GYS2: variants seen among roughly 807,000 people sequenced by gnomAD.
GYS2 encodes glycogen synthase 2.
Under a neutral mutation model 85.6 loss-of-function variants are expected in GYS2, and 80 were observed. The observed-to-expected ratio is 0.93, with a 90% CI of 0.78 to 1.13. The LOEUF is 1.13. GYS2 is among the 50% of genes most tolerant of loss of function. The pLI is 0.00. For synonymous variants in GYS2, 328 were observed against 300.7 expected (o/e 1.09, Z -0.94); for missense variants, 881 against 854.9 (o/e 1.03, Z -0.38).
rs56317413 is a variant in GYS2, at chr12:21,583,718, G to A, written c.122-3195C>T. On this transcript the variant is annotated intron_variant, in intron 1 of 15. Transcript: ENST00000261195. ...CCTGTTACTGGGCTTTGGTGGAAAC[G>A]AAATATTTGACTATGAGTCATCAAG... is the stretch of plus-strand genomic sequence containing the variant. 9.0e-3 allele frequency among the ~76,000 whole-genome samples: 1,365 copies of A among 152,282 alleles called. 26 individuals are homozygous for A. Among genetic ancestry groups the A allele is most frequent in the African/African-American group, 0.031 (1,284 of 41,556 alleles).
intron 2 of GYS2, 92 bp from the exon 3 acceptor site, chr12:21,576,149 T>C: frequency 1.0e-6 from 1 of 967,186 alleles, no homozygotes. Context: ...CTTTATGTAG[T>C]ACTCAATAGC....
intron 1 of GYS2, among the ~76,000 whole-genome samples, chr12:21,588,035 C>T (rs1234129500): frequency 1.3e-5 from 2 of 152,152 alleles, no homozygotes; most frequent in Non-Finnish European, 2.9e-5. Context: ...TGTGAGAATA[C>T]ACAAATAATC....
At chr12:21,590,158 C>A (rs1032629887) in intron 1 of GYS2, among the ~76,000 whole-genome samples, 1 of 152,122 alleles carries the variant, frequency 6.6e-6, no homozygotes, top group African/African-American at 2.4e-5. Flanking sequence ...AAGCAACACA[C>A]CCCGCACCCC....
chr12:21,593,975 T>C (rs950619942), intron 1 of GYS2, among the ~76,000 whole-genome samples: 1 of 151,994 alleles, frequency 6.6e-6, no homozygotes, highest in Admixed American at 6.6e-5. Flanking sequence ...ATGTGATACA[T>C]CACATCAACA....
intron 11 of GYS2, among the ~76,000 whole-genome samples, chr12:21,557,516 C>A (rs1591788285): frequency 1.3e-5 from 2 of 152,210 alleles, no homozygotes; most frequent in Admixed American, 6.5e-5. Context: ...TTAAGTTGAA[C>A]TTTATTAGAA....
intron 11 of GYS2, among the ~76,000 whole-genome samples, chr12:21,549,293 A>T (rs1230904365): frequency 5.3e-5 from 8 of 152,214 alleles, no homozygotes; most frequent in Non-Finnish European, 1.2e-4. Context: ...TCTGATATAA[A>T]AGTACTGGGA....
Position 21,596,102 on chromosome 12 carries a change from T to TA in GYS2, c.121+8369_121+8370insT, listed in dbSNP as rs1273264191. ...ACCAATAACAAGCAGTGAGATTTAATTGGTAATTAAAAAATTACCAACCAA... is the reference window on the plus strand; with the variant it reads ...ACCAATAACAAGCAGTGAGATTTAATATGGTAATTAAAAAATTACCAACCAA... On this transcript the variant is annotated intron_variant, in intron 1 of 15. Transcript: ENST00000261195. Among the ~76,000 whole-genome samples the TA allele has an allele frequency of 2.6e-5, 4 of 152,050 alleles. No individual in the cohort carries two copies. In the East Asian group the frequency reaches 7.7e-4, roughly 29 times the overall value.
At chr12:21,586,867 C>T (rs1012509890) in intron 1 of GYS2, among the ~76,000 whole-genome samples, 4 of 152,094 alleles carry the variant, frequency 2.6e-5, no homozygotes, top group Non-Finnish European at 5.9e-5. Context: ...AAGATATCTG[C>T]ATTAGTATGT....
In GYS2 at chr12:21,604,786, C is replaced by T. The variant is rs1944789086; in HGVS notation, c.-194G>A. ...ATTCCTGGTGGAAGGAGGAATTCTT[C>T]CTCCTCTTTCTCGTCTTTCTGGGCA... On this transcript the variant is annotated 5_prime_UTR_variant, in exon 1 of 16. Coordinates refer to ENST00000261195, the MANE Select transcript of GYS2 (RefSeq NM_021957.4). 3.6e-6 allele frequency: 5 copies of T among 1,377,022 alleles called. No individual in the cohort carries two copies. In the South Asian group the frequency reaches 5.9e-5, roughly 16 times the overall value. The allele number at this position is 1,377,022 out of a possible 1,614,324, so 85.3% of individuals were successfully genotyped here.
intron 11 of GYS2, among the ~76,000 whole-genome samples, chr12:21,550,336 CA>C (rs1944091794): frequency 6.6e-6 from 1 of 151,798 alleles, no homozygotes; most frequent in African/African-American, 2.4e-5. Flanking sequence ...CACACACACA[CA>C]CACACACACA....
intron 1 of GYS2, among the ~76,000 whole-genome samples, chr12:21,595,053 T>C (rs1944679848): frequency 6.6e-6 from 1 of 152,190 alleles, no homozygotes; most frequent in African/African-American, 2.4e-5. Flanking sequence ...TGGATATCCA[T>C]GTGCAAAAGA....
chr12:21,551,943 T>C (rs1413256816), intron 11 of GYS2, among the ~76,000 whole-genome samples: 1 of 152,130 alleles, frequency 6.6e-6, no homozygotes, highest in Non-Finnish European at 1.5e-5. Flanking sequence ...TTTTGGAACA[T>C]GAAAACACCA....
intron 4 of GYS2, 133 bp downstream of exon 4, chr12:21,574,011 A>T: frequency 1.4e-6 from 1 of 736,036 alleles, no homozygotes; most frequent in East Asian, 2.7e-5. Context: ...AAGCTTTGTC[A>T]TGAATATTGA....
Position 21,575,999 on chromosome 12 carries a change from C to T in GYS2, c.362G>A (p.Gly121Asp). ...CCTGTCCAGATTCCAAGCTGAATAG[C>T]CTATGTCAAAAAGTACCACATAAGG... ...GSPYVVLFDIGYSAWNLDRWK... is the reference protein window; with the variant it reads ...GSPYVVLFDIDYSAWNLDRWK... The change falls in exon 3 of 16, where the codon GGC becomes GAC. Residue 121 changes from glycine (G) to aspartate (D), a missense_variant. Physicochemically the swap from Gly to Asp is moderately conservative, Grantham distance 94. Coordinates refer to ENST00000261195, the MANE Select transcript of GYS2 (RefSeq NM_021957.4). 6.2e-7 allele frequency: 1 copy of T among 1,613,810 alleles called. No homozygotes were observed. Among genetic ancestry groups the T allele is most frequent in the South Asian group, 1.1e-5 (1 of 91,076 alleles).
chr12:21,586,475 C>A (rs1944575925), intron 1 of GYS2, among the ~76,000 whole-genome samples: 1 of 151,680 alleles, frequency 6.6e-6, no homozygotes. Context: ...CCTATTAGTT[C>A]TGTCTCTCTA....
At chr12:21,540,927 G>T (rs1943965818) in intron 13 of GYS2, among the ~76,000 whole-genome samples, 1 of 152,030 alleles carries the variant, frequency 6.6e-6, no homozygotes, top group African/African-American at 2.4e-5. Flanking sequence ...TTCAGCCGAG[G>T]CTGAAAACCC....
Position 21,536,795 on chromosome 12 carries a change from C to T in GYS2, c.*159G>A, listed in dbSNP as rs1943914808. Reference sequence around the variant, plus strand: ...ATAACTTGGATCTTATCCTAAATTACAAAATTGTCATTCACTCAATTTCTT... The same window carrying T: ...ATAACTTGGATCTTATCCTAAATTATAAAATTGTCATTCACTCAATTTCTT... On this transcript the variant is annotated 3_prime_UTR_variant, in exon 16 of 16. Coordinates refer to ENST00000261195, the MANE Select transcript of GYS2 (RefSeq NM_021957.4). 3 of 640,178 alleles carry T rather than the reference C, an allele frequency of 4.7e-6. No homozygotes were observed. Among genetic ancestry groups the T allele is most frequent in the Middle Eastern group, 8.4e-4 (2 of 2,390 alleles). The allele number at this position is 640,178 out of a possible 1,614,324, so 39.7% of individuals were successfully genotyped here. A position where few individuals can be genotyped will look rare whatever the true frequency, so the allele number is the denominator to read the frequency against.
intron 5 of GYS2, among the ~76,000 whole-genome samples, chr12:21,566,203 C>T (rs1158046078): frequency 6.6e-6 from 1 of 152,026 alleles, no homozygotes; most frequent in Non-Finnish European, 1.5e-5. Flanking sequence ...AATATCTGGT[C>T]CCATGCATGT....
chr12:21,579,239 T>C (rs1383282923), intron 2 of GYS2, among the ~76,000 whole-genome samples: 1 of 152,214 alleles, frequency 6.6e-6, no homozygotes, highest in Admixed American at 6.5e-5. Context: ...AACAAATTTA[T>C]TATCTTACAG....
Sources: allele counts gnomAD v4.1 joint callset (sites outside exome capture counted in the v4.1 genomes callset), GRCh38; gene constraint gnomAD v4.1.1; transcripts MANE v1.5; gene names NCBI Gene and HGNC (gene_info 2026-07-23, HGNC 2026-07-21).